DZANK1: variants seen among roughly 807,000 people sequenced by gnomAD.
DZANK1 encodes the protein double zinc ribbon and ankyrin repeat-containing protein 1.
A neutral mutation model predicts 94.5 loss-of-function variants in DZANK1; 91 were observed. The observed-to-expected ratio is 0.96, with a 90% confidence interval of 0.81 to 1.15. The LOEUF (loss-of-function observed/expected upper bound fraction) is 1.15, where lower values mean the gene tolerates loss of function less well. Ranked by LOEUF, DZANK1 falls within the 50% of genes most tolerant of loss-of-function variation. DZANK1 has a pLI of 0.00. For missense variants in DZANK1, 903 were observed against 916.4 expected (o/e 0.99, Z 0.19); for synonymous variants, 312 against 325.3 (o/e 0.96, Z 0.44).
intron 13 of DZANK1, among the ~76,000 whole-genome samples, chr20:18,404,510 T>C (rs544737383): frequency 1.5e-4 from 23 of 151,818 alleles, no homozygotes; most frequent in African/African-American, 3.6e-4. Flanking sequence ...GACAAACAAA[T>C]AACAATAACA....
chr20:18,432,823 A>G (rs761379733), intron 9 of DZANK1: 4 of 152,206 alleles, frequency 2.6e-5, no homozygotes, highest in Non-Finnish European at 5.9e-5. Flanking sequence ...TGAAGAATGG[A>G]GAAAATATTT....
intron 5 of DZANK1, among the ~76,000 whole-genome samples, chr20:18,453,032 A>C (rs995211099): frequency 1.3e-5 from 2 of 152,212 alleles, no homozygotes; most frequent in African/African-American, 4.8e-5. Flanking sequence ...AGGAAATATT[A>C]TATCTCCCAA....
chr20:18,433,584 A>G, intron 9 of DZANK1, 68 bp downstream of exon 9: 2 of 1,450,002 alleles, frequency 1.4e-6, no homozygotes, highest in African/African-American at 1.4e-5. Flanking sequence ...TAGCTGAAAA[A>G]GGACATATAC....
intron 10 of DZANK1, among the ~76,000 whole-genome samples, chr20:18,423,569 T>G (rs984355517): frequency 2.5e-4 from 38 of 152,356 alleles, no homozygotes; most frequent in African/African-American, 8.4e-4. Flanking sequence ...AGTTAGATGC[T>G]GGGCCATAAA....
At chr20:18,431,645 A>T (rs766743158) in intron 9 of DZANK1, among the ~76,000 whole-genome samples, 2 of 152,178 alleles carry the variant, frequency 1.3e-5, no homozygotes, top group Non-Finnish European at 2.9e-5. Flanking sequence ...AAAGTCACAC[A>T]CTTCTCTCCA....
intron 8 of DZANK1, among the ~76,000 whole-genome samples, chr20:18,436,747 A>AAC (rs2058541572): frequency 6.6e-6 from 1 of 152,188 alleles, no homozygotes. Flanking sequence ...AAGAAAGACA[A>AAC]ACACAAAGAG....
chr20:18,412,768 C>G (rs1449911367), exon 13 of DZANK1: 3 of 1,613,844 alleles, frequency 1.9e-6, no homozygotes, highest in Non-Finnish European at 2.5e-6. Flanking sequence ...GTAGAAGAGG[C>G]CAACAGTCTG....
At chr20:18,415,524 AAAAAATTCCCAGAC>A in intron 10 of DZANK1, 75 bp from the exon 11 acceptor site, 1 of 1,308,618 alleles carries the variant, frequency 7.6e-7, no homozygotes, top group Non-Finnish European at 9.8e-7. Flanking sequence ...CAAAAAAGAT[AAAAAATTCCCAGAC>A]AAGATGAGCC....
intron 6 of DZANK1, among the ~76,000 whole-genome samples, chr20:18,450,775 TAGG>T (rs2059070080): frequency 6.6e-6 from 1 of 152,138 alleles, no homozygotes; most frequent in African/African-American, 2.4e-5. Context: ...GGGACTCAAA[TAGG>T]AGGAACAGAA....
chr20:18,408,747 T>TTA (rs2057084914), intron 13 of DZANK1, among the ~76,000 whole-genome samples: 1 of 152,204 alleles, frequency 6.6e-6, no homozygotes, highest in African/African-American at 2.4e-5. Flanking sequence ...ACCAGACTGT[T>TTA]TACAAGAAAT....
chr20:18,406,106 T>C (rs1310300644), intron 13 of DZANK1, among the ~76,000 whole-genome samples: 1 of 152,164 alleles, frequency 6.6e-6, no homozygotes, highest in East Asian at 1.9e-4. Context: ...TAGGTAAACT[T>C]GAAAGGCAGT....
intron 10 of DZANK1, 110 bp from the exon 11 acceptor site, chr20:18,415,559 T>TG (rs1420079028): frequency 9.2e-6 from 11 of 1,194,702 alleles, no homozygotes; most frequent in Admixed American, 8.5e-5. Context: ...CCGGAAATAG[T>TG]GTTTTTTTTG....
intron 13 of DZANK1, among the ~76,000 whole-genome samples, chr20:18,411,153 G>A (rs2057237867): frequency 6.6e-6 from 1 of 152,056 alleles, no homozygotes; most frequent in South Asian, 2.1e-4. Flanking sequence ...CATGATGAGA[G>A]TGGAATTTAG....
chr20:18,421,668 G>C (rs1282839399), intron 10 of DZANK1, among the ~76,000 whole-genome samples: 1 of 152,176 alleles, frequency 6.6e-6, no homozygotes, highest in Non-Finnish European at 1.5e-5. Context: ...CTTATTCCAA[G>C]TACTTTTCAT....
chr20:18,399,000 C>A (rs1032825095), intron 13 of DZANK1, among the ~76,000 whole-genome samples: 1 of 151,892 alleles, frequency 6.6e-6, no homozygotes, highest in Admixed American at 6.6e-5. Context: ...AGCATGGTGG[C>A]GTGCACCTGT....
intron 15 of DZANK1, 35 bp from the exon 16 acceptor site, chr20:18,394,385 T>G (rs1251082288): frequency 1.3e-6 from 2 of 1,589,986 alleles, no homozygotes; most frequent in African/African-American, 2.7e-5. Flanking sequence ...CCATGAATGA[T>G]GAGGCTGCTT....
chr20:18,453,427 T>C lies in DZANK1; in HGVS notation c.475+304A>G, dbSNP rs55894305. On this transcript the variant is annotated intron_variant, in intron 5 of 20. Coordinates refer to ENST00000262547, the Ensembl canonical transcript of DZANK1. Reference sequence around the variant, plus strand: ...ATCAAAACTCTGCTTTCATTTATATTTCACCCAAACTCCACCCTTCCCCCA... The same window carrying C: ...ATCAAAACTCTGCTTTCATTTATATCTCACCCAAACTCCACCCTTCCCCCA... Among the ~76,000 whole-genome samples the C allele has an allele frequency of 3.6e-3, 550 of 152,222 alleles. 1 individual carries two copies. Among genetic ancestry groups the C allele is most frequent in the Middle Eastern group, 6.8e-3 (2 of 294 alleles).
chr20:18,408,804 A>C (rs1208551738), intron 13 of DZANK1, among the ~76,000 whole-genome samples: 1 of 152,224 alleles, frequency 6.6e-6, no homozygotes, highest in Non-Finnish European at 1.5e-5. Context: ...TTAATGAGCA[A>C]GAAGAAATTA....
chr20:18,418,870 C>A (rs555907682), intron 10 of DZANK1, among the ~76,000 whole-genome samples: 1 of 151,962 alleles, frequency 6.6e-6, no homozygotes, highest in Admixed American at 6.6e-5. Context: ...ATTTACTAGA[C>A]GGACTGAATA....
Sources: allele counts gnomAD v4.1 joint callset (sites outside exome capture counted in the v4.1 genomes callset), GRCh38; gene constraint gnomAD v4.1.1; transcripts MANE v1.5; gene names NCBI Gene and HGNC (gene_info 2026-07-23, HGNC 2026-07-21).